MAP3K13: variants seen among roughly 807,000 people sequenced by gnomAD.
The protein encoded by MAP3K13 is leucine zipper-bearing kinase.
Under a neutral mutation model 104.0 loss-of-function variants are expected in MAP3K13, and 52 were observed. The ratio of observed to expected loss-of-function variants is 0.50; its 90% CI spans 0.40 to 0.63. The LOEUF is 0.63. MAP3K13 is among the 20% of genes least tolerant of loss of function. The pLI is 0.00. For missense variants in MAP3K13, 914 were observed against 1,218.5 expected (o/e 0.75, Z 3.72); for synonymous variants, 394 against 442.2 (o/e 0.89, Z 1.37).
At chr3:185,295,639 A>G (rs1444887914) in intron 2 of MAP3K13, among the ~76,000 whole-genome samples, 1 of 152,160 alleles carries the variant, frequency 6.6e-6, no homozygotes, top group African/African-American at 2.4e-5. Flanking sequence ...GCCTTCCTCC[A>G]TATCTCAGAC....
At position 185,455,564 on chromosome 3, in the gene MAP3K13, G is replaced by GACATATATATC; in HGVS notation, c.1278+4170_1278+4171insCATATATATCA. On this transcript the variant is annotated intron_variant, in intron 7 of 13. Coordinates refer to ENST00000265026, the MANE Select transcript of MAP3K13 (RefSeq NM_004721.5). ...TATGACATATATATGATATATATGA[G>GACATATATATC]ATATATATGACATATATATGATATA... Among the ~76,000 whole-genome samples, 2 of 2,254 alleles carry GACATATATATC rather than the reference G, an allele frequency of 8.9e-4. 1 individual carries two copies. The highest frequency in any genetic ancestry group is 9.9e-3 in the East Asian group (2 of 202). The allele number at this position is 2,254 out of a possible 152,430, so 1.5% of individuals were successfully genotyped here.
chr3:185,311,392 G>A (rs773439741), intron 2 of MAP3K13, among the ~76,000 whole-genome samples: 2 of 152,152 alleles, frequency 1.3e-5, no homozygotes, highest in East Asian at 1.9e-4. Context: ...TCACTATCAT[G>A]AGAATAGCAT....
chr3:185,329,171 G>A, intron 2 of MAP3K13: 2 of 702,136 alleles, frequency 2.8e-6, no homozygotes, highest in South Asian at 1.5e-5. Context: ...CAAGTGTGCT[G>A]CTAAAACAGG....
intron 7 of MAP3K13, among the ~76,000 whole-genome samples, chr3:185,452,833 C>T (rs1056938500): frequency 6.6e-6 from 1 of 152,148 alleles, no homozygotes; most frequent in Non-Finnish European, 1.5e-5. Context: ...ACAAATGTAG[C>T]GAGAGAGCAA....
chr3:185,302,150 C>A (rs1161296302), intron 2 of MAP3K13, among the ~76,000 whole-genome samples: 2 of 151,958 alleles, frequency 1.3e-5, no homozygotes, highest in African/African-American at 4.8e-5. Context: ...CGCCTGTAAT[C>A]CCAGCACTTT....
Position 185,303,272 on chromosome 3 carries a change from G to A in MAP3K13, c.-86+17629G>A, listed in dbSNP as rs535999043. Among the ~76,000 whole-genome samples, 17 of 152,214 alleles carry A rather than the reference G, an allele frequency of 1.1e-4. 1 individual carries two copies. Among genetic ancestry groups the A allele is most frequent in the South Asian group, 1.0e-3 (5 of 4,822 alleles). ...AGGATTTTTACATCAGTGTTCATCAGGGATATCAGTCTGTAGTTTTCCTAG... is the reference window on the plus strand; with the variant it reads ...AGGATTTTTACATCAGTGTTCATCAAGGATATCAGTCTGTAGTTTTCCTAG... On this transcript the variant is annotated intron_variant, in intron 2 of 14. Coordinates refer to the MAP3K13 transcript ENST00000424227.
intron 2 of MAP3K13, among the ~76,000 whole-genome samples, chr3:185,346,073 G>T (rs888596225): frequency 3.3e-5 from 5 of 152,238 alleles, no homozygotes; most frequent in South Asian, 4.2e-4. Context: ...GGAATACATT[G>T]TTATTAACTA....
rs918687274 is a variant in MAP3K13 at position 185,488,135 on chromosome 3, A to C, written c.*5679A>C. 1.3e-5 allele frequency: 2 copies of C among 152,128 alleles called. No individual in the cohort carries two copies. Among genetic ancestry groups the C allele is most frequent in the African/African-American group, 2.4e-5 (1 of 41,378 alleles). The allele number at this position is 152,128 out of a possible 1,614,324, so 9.4% of individuals were successfully genotyped here. A position where few individuals can be genotyped will look rare whatever the true frequency, so the allele number is the denominator to read the frequency against. ...CACCTTTTATAAACAGAAAATTAAT[A>C]TAAGTCCCAGTTACTTGCTTCTTAG... On this transcript the variant is annotated 3_prime_UTR_variant, in exon 14 of 14. Coordinates refer to ENST00000265026, the MANE Select transcript of MAP3K13 (RefSeq NM_004721.5).
chr3:185,480,316 T>A lies in MAP3K13; in HGVS notation c.2586T>A (p.Asn862Lys). The A allele has an allele frequency of 6.2e-7, 1 of 1,614,182 alleles. No homozygotes were observed. The highest frequency in any genetic ancestry group is 8.5e-7 in the Non-Finnish European group (1 of 1,180,030). The change falls in exon 13 of 14, where the codon AAT becomes AAA. Residue 862 changes from asparagine (N) to lysine (K), a missense_variant. Physicochemically the swap from Asn to Lys is moderately conservative, Grantham distance 94. Coordinates refer to ENST00000265026, the MANE Select transcript of MAP3K13 (RefSeq NM_004721.5). ...NFSVSDGEEGNTSDHSNSPDE... is the reference protein window; with the variant it reads ...NFSVSDGEEGKTSDHSNSPDE... ...CTGTGTCTGATGGAGAAGAGGGAAA[T>A]ACCAGTGACCACTCAAACAGTCCTG... is the stretch of plus-strand genomic sequence containing the variant.
At chr3:185,451,231 C>A in intron 6 of MAP3K13, 56 bp from the exon 7 acceptor site, 1 of 1,262,796 alleles carries the variant, frequency 7.9e-7, no homozygotes, top group Non-Finnish European at 1.1e-6. Flanking sequence ...AAAATAAAAT[C>A]TTCATTCTCC....
intron 1 of MAP3K13, among the ~76,000 whole-genome samples, chr3:185,425,345 C>T (rs1178243951): frequency 6.6e-6 from 1 of 152,190 alleles, no homozygotes; most frequent in Admixed American, 6.5e-5. Flanking sequence ...CATTGTCTGT[C>T]TATTCATTAT....
chr3:185,481,291 CA>C (rs1257318793), intron 13 of MAP3K13: 5 of 152,232 alleles, frequency 3.3e-5, no homozygotes, highest in African/African-American at 1.2e-4. Flanking sequence ...TCAGTCTGAG[CA>C]ACATAGCAAG....
chr3:185,355,669 A>T (rs1298189650), intron 2 of MAP3K13, among the ~76,000 whole-genome samples: 4 of 152,098 alleles, frequency 2.6e-5, no homozygotes, highest in African/African-American at 9.7e-5. Context: ...AAGCAAAGAG[A>T]ACTCAGAATT....
Position 185,429,028 on chromosome 3 carries a change from T to G in MAP3K13, c.447T>G (p.Tyr149Ter). The change falls in exon 2 of 14, where the codon TAT (tyrosine) becomes TAG (stop). Residue 149 changes from tyrosine to a stop codon, truncating the protein, a stop_gained. Coordinates refer to ENST00000265026, the MANE Select transcript of MAP3K13 (RefSeq NM_004721.5). LOFTEE classifies it high-confidence loss of function. The part of the protein sequence containing the change: ...RPVWNIIGKA[Y>*]STDYKLQQQD... ...TATGGAATATCATTGGGAAGGCATA[T>G]TCCACTGATTACAAATTGCAGCAGC... The G allele has an allele frequency of 6.2e-7, 1 of 1,613,062 alleles. No individual in the cohort carries two copies.
chr3:185,429,446 C>T (rs1343701582), intron 2 of MAP3K13, among the ~76,000 whole-genome samples: 2 of 152,062 alleles, frequency 1.3e-5, no homozygotes, highest in Non-Finnish European at 2.9e-5. Context: ...AGAAATCATG[C>T]AGTGGCCACA....
At chr3:185,472,205 CTTTT>C (rs568380003) in intron 10 of MAP3K13, among the ~76,000 whole-genome samples, 5 of 118,630 alleles carry the variant, frequency 4.2e-5, no homozygotes, top group East Asian at 2.4e-4. Context: ...ATCCCTTCTT[CTTTT>C]TTTTTTTTTT....
At chr3:185,347,973 T>C (rs958822631) in intron 2 of MAP3K13, among the ~76,000 whole-genome samples, 5 of 148,086 alleles carry the variant, frequency 3.4e-5, no homozygotes, top group Admixed American at 6.8e-5. Context: ...GATTGCATCA[T>C]TGCACTCCAT....
intron 2 of MAP3K13, among the ~76,000 whole-genome samples, chr3:185,332,416 A>G (rs951001652): frequency 3.3e-5 from 5 of 152,250 alleles, no homozygotes; most frequent in African/African-American, 1.2e-4. Flanking sequence ...TAAAAATCCT[A>G]TAACATAGGT....
chr3:185,480,554 C>A, intron 13 of MAP3K13, 25 bp downstream of exon 13: 1 of 1,600,104 alleles, frequency 6.2e-7, no homozygotes, highest in South Asian at 1.1e-5. Flanking sequence ...CTTCTCCTCC[C>A]ATCACTGTTC....
Sources: allele counts gnomAD v4.1 joint callset (sites outside exome capture counted in the v4.1 genomes callset), GRCh38; gene constraint gnomAD v4.1.1; transcripts MANE v1.5; gene names NCBI Gene and HGNC (gene_info 2026-07-23, HGNC 2026-07-21).